The following METTL24 variants were observed in gnomAD, a reference collection of about 807,000 sequenced individuals.
The protein encoded by METTL24 is methyltransferase like 24, also known as probable methyltransferase-like protein 24.
METTL24 carries 29 observed loss-of-function variants against 32.7 expected under a neutral mutation model. The ratio of observed to expected loss-of-function variants is 0.89; its 90% CI spans 0.66 to 1.21. The LOEUF (loss-of-function observed/expected upper bound fraction) is 1.21, where lower values mean the gene tolerates loss of function less well. Ranked by LOEUF, METTL24 falls within the 50% of genes most tolerant of loss-of-function variation. The pLI is 0.00. For synonymous variants in METTL24, 163 were observed against 179.5 expected, an observed-to-expected ratio of 0.91 and a Z score of 0.73; for missense variants, 439 against 468.1, an observed-to-expected ratio of 0.94 and a Z score of 0.57.
In METTL24 at chr6:110,244,803, T is replaced by G; in HGVS notation, c.*1143A>C. On this transcript the variant is annotated 3_prime_UTR_variant, in exon 5 of 5. Coordinates refer to ENST00000338882, the MANE Select transcript of METTL24 (RefSeq NM_001123364.3). ...GGATTATGGGAACTACAATTCAAGA[T>G]GAGATTTGGTTGGGGACGTAGCCAA... Among the ~76,000 whole-genome samples, 1 of 152,160 alleles carries G rather than the reference T, an allele frequency of 6.6e-6. No homozygotes were observed. The highest frequency in any genetic ancestry group is 1.9e-4 in the East Asian group (1 of 5,196).
Position 110,324,655 on chromosome 6 carries a change from C to T in METTL24, c.319-1783G>A, listed in dbSNP as rs371118800. Among the ~76,000 whole-genome samples the T allele has an allele frequency of 2.4e-4, 37 of 152,336 alleles. No homozygotes were observed. In the East Asian group the frequency reaches 4.2e-3, roughly 17 times the overall value. ...CCCTGAGGGACACCTTCTGAAAGAA[C>T]AGCCTTTTCTTGTAGCTCTTCTTGT... is the stretch of plus-strand genomic sequence containing the variant. On this transcript the variant is annotated intron_variant, in intron 1 of 4. Coordinates refer to ENST00000338882, the MANE Select transcript of METTL24 (RefSeq NM_001123364.3).
chr6:110,304,848 A>G (rs963552571), intron 3 of METTL24, among the ~76,000 whole-genome samples: 2 of 152,220 alleles, frequency 1.3e-5, no homozygotes, highest in African/African-American at 4.8e-5. Context: ...GCCAAGACAC[A>G]TAATCATCAG....
intron 3 of METTL24, among the ~76,000 whole-genome samples, chr6:110,300,095 AG>A: frequency 6.6e-6 from 1 of 152,320 alleles, no homozygotes; most frequent in African/African-American, 2.4e-5. Context: ...CAATAAATAC[AG>A]TGAGCCCTCC....
Position 110,299,142 on chromosome 6 carries a change from C to T in METTL24, c.566G>A (p.Ser189Asn). The change falls in exon 4 of 5, where the codon AGT (serine) becomes AAT (asparagine). Residue 189 changes from serine to asparagine, a missense_variant. Physicochemically the swap from Ser to Asn is conservative, Grantham distance 46. Transcript: ENST00000338882. ...QCRLYSLGLG[S>N]DDTHFEVSMA... ...GCTAACCTCAAAATGGGTATCATCACTTCCTAGCCTATAAAGAAAGAGGAC... is the reference window on the plus strand; with the variant it reads ...GCTAACCTCAAAATGGGTATCATCATTTCCTAGCCTATAAAGAAAGAGGAC... The T allele has an allele frequency of 6.2e-7, 1 of 1,613,450 alleles. No individual in the cohort carries two copies. The highest frequency in any genetic ancestry group is 1.1e-5 in the South Asian group (1 of 91,074).
intron 4 of METTL24, among the ~76,000 whole-genome samples, chr6:110,290,925 T>C (rs897870808): frequency 1.3e-5 from 2 of 152,336 alleles, no homozygotes; most frequent in Non-Finnish European, 2.9e-5. Context: ...TGATATCTCA[T>C]TGTGGCTTTA....
chr6:110,288,714 A>C (rs1391578338), intron 4 of METTL24, among the ~76,000 whole-genome samples: 1 of 152,244 alleles, frequency 6.6e-6, no homozygotes, highest in Non-Finnish European at 1.5e-5. Context: ...GAACATCTCC[A>C]TGAATGAACA....
intron 1 of METTL24, among the ~76,000 whole-genome samples, chr6:110,348,417 G>T (rs7770648): frequency 0.16 from 24,223 of 152,152 alleles, 2,377 homozygotes; most frequent in Middle Eastern, 0.29. Context: ...TAGATCCCAC[G>T]TATTACTTTC....
intron 1 of METTL24, among the ~76,000 whole-genome samples, chr6:110,350,991 C>A (rs1028782789): frequency 1.3e-5 from 2 of 151,888 alleles, no homozygotes; most frequent in Non-Finnish European, 2.9e-5. Context: ...GCCTGTAATC[C>A]CAGCTACTTG....
intron 1 of METTL24, among the ~76,000 whole-genome samples, chr6:110,353,776 G>T (rs1250921710): frequency 1.3e-5 from 2 of 152,038 alleles, no homozygotes; most frequent in Non-Finnish European, 2.9e-5. Context: ...CCTGTATGTT[G>T]CATCTGTCTT....
chr6:110,277,343 A>G (rs1771065277), intron 4 of METTL24, among the ~76,000 whole-genome samples: 1 of 152,208 alleles, frequency 6.6e-6, no homozygotes, highest in African/African-American at 2.4e-5. Flanking sequence ...AAAGAATTGG[A>G]AAGAGCTCAG....
chr6:110,279,947 A>G (rs1330794411), intron 4 of METTL24, among the ~76,000 whole-genome samples: 1 of 152,136 alleles, frequency 6.6e-6, no homozygotes, highest in African/African-American at 2.4e-5. Flanking sequence ...GCCTCAGGAA[A>G]CTTACAATCG....
chr6:110,311,468 G>GTTTTTTTTTTTT (rs1051868507), intron 3 of METTL24, among the ~76,000 whole-genome samples: 3 of 96,144 alleles, frequency 3.1e-5, no homozygotes, highest in Non-Finnish European at 4.0e-5. Flanking sequence ...TTCTTTCTTT[G>GTTTTTTTTTTTT]TTTTTTTTTT....
intron 1 of METTL24, among the ~76,000 whole-genome samples, chr6:110,332,257 G>T (rs184768849): frequency 6.6e-6 from 1 of 151,972 alleles, no homozygotes; most frequent in Admixed American, 6.5e-5. Context: ...GGAAAGAGTG[G>T]CTAAACAAAT....
chr6:110,313,378 A>G (rs573701103), intron 3 of METTL24, among the ~76,000 whole-genome samples: 1 of 152,224 alleles, frequency 6.6e-6, no homozygotes, highest in Non-Finnish European at 1.5e-5. Context: ...CAATAAAAAT[A>G]TTTTAAAATA....
chr6:110,335,039 G>A (rs1772186098), intron 1 of METTL24, among the ~76,000 whole-genome samples: 1 of 152,196 alleles, frequency 6.6e-6, no homozygotes, highest in African/African-American at 2.4e-5. Flanking sequence ...GGCAGAACAA[G>A]GCAGGCAGAG....
intron 1 of METTL24, among the ~76,000 whole-genome samples, chr6:110,341,659 T>C (rs190312694): frequency 6.6e-4 from 101 of 152,326 alleles, no homozygotes; most frequent in African/African-American, 2.4e-3. Flanking sequence ...CAACATATTT[T>C]TCTGAGATCC....
intron 1 of METTL24, among the ~76,000 whole-genome samples, chr6:110,329,131 T>C (rs945076474): frequency 3.9e-5 from 6 of 152,178 alleles, no homozygotes; most frequent in Admixed American, 6.5e-5. Context: ...GATAGAGTGT[T>C]TGGGATATTT....
intron 4 of METTL24, among the ~76,000 whole-genome samples, chr6:110,272,364 T>C (rs191213694): frequency 1.0e-3 from 159 of 152,346 alleles, no homozygotes; most frequent in African/African-American, 3.7e-3. Flanking sequence ...CTTTATCCAC[T>C]AGTTGGTCGA....
chr6:110,281,067 T>C (rs1771127776), intron 4 of METTL24, among the ~76,000 whole-genome samples: 1 of 152,204 alleles, frequency 6.6e-6, no homozygotes, highest in African/African-American at 2.4e-5. Context: ...AGTGAACATA[T>C]GCCACTTATG....
Sources: gnomAD v4.1 joint callset for allele counts (sites outside exome capture counted in the v4.1 genomes callset) on GRCh38, gnomAD v4.1.1 for gene constraint, MANE v1.5 for transcripts, NCBI Gene and HGNC (gene_info 2026-07-23, HGNC 2026-07-21) for gene names.